The following CREB1 variants were observed in gnomAD, a reference collection of about 807,000 sequenced individuals.
CREB1 encodes cAMP responsive element binding protein 1, also known as cyclic AMP-responsive element-binding protein 1.
A neutral mutation model predicts 42.0 loss-of-function variants in CREB1; 2 were observed. That is an observed-to-expected ratio of 0.05 (90% confidence interval 0.02 to 0.15). The LOEUF (loss-of-function observed/expected upper bound fraction) is 0.15, where lower values mean the gene tolerates loss of function less well. CREB1 is among the 10% of genes least tolerant of loss of function. CREB1 has a pLI of 1.00. For synonymous variants in CREB1, 123 were observed against 139.9 expected (o/e 0.88, Z 0.85); for missense variants, 199 against 388.9 (o/e 0.51, Z 4.11).
At chr2:207,570,350 T>C (rs759695908) in intron 5 of CREB1, 29 bp downstream of exon 5, 38 of 1,552,044 alleles carry the variant, frequency 2.4e-5, no homozygotes, top group Non-Finnish European at 3.2e-5. Context: ...CTGTTTCTAT[T>C]GTGAGGAGAA....
In CREB1 at chr2:207,604,185, C is replaced by T. The variant is rs2087642396; in HGVS notation, c.*7127C>T. Among the ~76,000 whole-genome samples the T allele has an allele frequency of 6.6e-6, 1 of 152,210 alleles. No individual in the cohort carries two copies. Among genetic ancestry groups the T allele is most frequent in the Non-Finnish European group, 1.5e-5 (1 of 68,032 alleles). On this transcript the variant is annotated 3_prime_UTR_variant, in exon 8 of 8. Coordinates refer to ENST00000353267, the MANE Select transcript of CREB1 (RefSeq NM_004379.5). ...TTCAGGAAAAGATTGCCCATCTTGT[C>T]ATTTGACCAGGCACTGAAGTGACAA... is the stretch of plus-strand genomic sequence containing the variant.
chr2:207,539,732 A>C (rs1320984233), intron 1 of CREB1, among the ~76,000 whole-genome samples: 1 of 152,192 alleles, frequency 6.6e-6, no homozygotes, highest in African/African-American at 2.4e-5. Context: ...TCAGAAGAGA[A>C]GGGGCTTAGT....
chr2:207,534,796 T>C (rs915738353), intron 1 of CREB1: 1 of 152,252 alleles, frequency 6.6e-6, no homozygotes, highest in African/African-American at 2.4e-5. Flanking sequence ...TCTCTTGCCC[T>C]ATTACCTAAG....
At chr2:207,545,107 A>G (rs2081246773) in intron 1 of CREB1, among the ~76,000 whole-genome samples, 1 of 152,130 alleles carries the variant, frequency 6.6e-6, no homozygotes, top group Admixed American at 6.5e-5. Context: ...GTCAAATGGT[A>G]TTTCTGCCTC....
chr2:207,535,359 G>T (rs1248744801), intron 1 of CREB1, among the ~76,000 whole-genome samples: 1 of 151,908 alleles, frequency 6.6e-6, no homozygotes, highest in Non-Finnish European at 1.5e-5. Context: ...TATTATTTTG[G>T]CCCAAAAGGT....
intron 1 of CREB1, among the ~76,000 whole-genome samples, chr2:207,535,506 A>G (rs1400421864): frequency 1.3e-5 from 2 of 151,878 alleles, no homozygotes; most frequent in African/African-American, 4.8e-5. Context: ...CCCTGCATTC[A>G]TTTATTTTTT....
intron 6 of CREB1, chr2:207,576,517 T>A (rs186336521): frequency 5.1e-4 from 151 of 293,332 alleles, no homozygotes; most frequent in African/African-American, 3.3e-3. Context: ...GAGTCATAAC[T>A]TATTTAAAGA....
intron 1 of CREB1, among the ~76,000 whole-genome samples, chr2:207,539,859 G>A (rs1367983801): frequency 1.3e-5 from 2 of 152,146 alleles, no homozygotes; most frequent in Non-Finnish European, 1.5e-5. Flanking sequence ...TGAAAACATG[G>A]ACATATAATG....
chr2:207,577,385 CA>C, intron 6 of CREB1, 119 bp from the exon 7 acceptor site: 1 of 1,316,680 alleles, frequency 7.6e-7, no homozygotes, highest in South Asian at 1.5e-5. Context: ...TAGCCAGAAT[CA>C]TCTTTTCTTT....
intron 1 of CREB1, among the ~76,000 whole-genome samples, chr2:207,530,543 C>G (rs1018604612): frequency 6.9e-6 from 1 of 145,776 alleles, no homozygotes; most frequent in Admixed American, 6.8e-5. Context: ...GGAGGCCGCC[C>G]GCTCGGCCCG....
Position 207,577,389 on chromosome 2 carries a change from T to A in CREB1, c.689-116T>A, listed in dbSNP as rs994625167. The A allele has an allele frequency of 3.7e-6, 5 of 1,351,876 alleles. No homozygotes were observed. In the African/African-American group the frequency reaches 7.3e-5, roughly 20 times the overall value. The allele number at this position is 1,351,876 out of a possible 1,614,324, so 83.7% of individuals were successfully genotyped here. A position where few individuals can be genotyped will look rare whatever the true frequency, so the allele number is the denominator to read the frequency against. On this transcript the variant is annotated intron_variant, in intron 6 of 7. Transcript: ENST00000353267. The stretch of plus-strand genomic sequence containing the variant: ...TTTCAACGCTTTAGCCAGAATCATC[T>A]TTTCTTTTTTGTTTCCCTTTTAGTC...
At chr2:207,567,411 T>G in intron 3 of CREB1, 52 bp from the exon 4 acceptor site, 1 of 1,331,932 alleles carries the variant, frequency 7.5e-7, no homozygotes, top group Non-Finnish European at 1.1e-6. Flanking sequence ...TTAATAAAAA[T>G]TTTACAGGAA....
intron 2 of CREB1, chr2:207,559,381 C>A: frequency 1.6e-6 from 1 of 634,642 alleles, no homozygotes; most frequent in Non-Finnish European, 2.0e-6. Context: ...TTTAGCAAAC[C>A]TCATTACTAA....
At chr2:207,566,265 G>A (rs970900651) in intron 3 of CREB1, among the ~76,000 whole-genome samples, 3 of 152,154 alleles carry the variant, frequency 2.0e-5, no homozygotes, top group Admixed American at 6.5e-5. Flanking sequence ...CATAGAGTAC[G>A]CTTGGAATTT....
rs1448487843 is a variant in CREB1 at position 207,602,390 on chromosome 2, A to C, written c.*5332A>C. ...GCTGGGTATGACATGATACATTTTTAATTATTCTCACCAGCAAGTAAAAGG... is the reference window on the plus strand; with the variant it reads ...GCTGGGTATGACATGATACATTTTTCATTATTCTCACCAGCAAGTAAAAGG... On this transcript the variant is annotated 3_prime_UTR_variant, in exon 8 of 8. Transcript: ENST00000353267. 9.9e-6 allele frequency: 2 copies of C among 202,384 alleles called. No homozygotes were observed. The highest frequency in any genetic ancestry group is 2.0e-5 in the Non-Finnish European group (2 of 98,546). The allele number at this position is 202,384 out of a possible 1,614,324, so 12.5% of individuals were successfully genotyped here.
intron 1 of CREB1, chr2:207,550,184 T>G (rs2081450070): frequency 6.6e-6 from 1 of 152,094 alleles, no homozygotes. Flanking sequence ...CAAATATGTG[T>G]TTTGCTGTGG....
rs547160772 is a variant in CREB1, at chr2:207,604,533, C to T, written c.*7475C>T. ...ACCAAACCGGATGAGAATTCTAACA[C>T]GGGCCTGACATCAAATGGAAAGGAA... On this transcript the variant is annotated 3_prime_UTR_variant, in exon 8 of 8. Coordinates refer to ENST00000353267, the MANE Select transcript of CREB1 (RefSeq NM_004379.5). 7.9e-5 allele frequency among the ~76,000 whole-genome samples: 12 copies of T among 152,300 alleles called. No homozygotes were observed. Among genetic ancestry groups the T allele is most frequent in the Middle Eastern group, 3.4e-3 (1 of 294 alleles).
chr2:207,565,749 G>T (rs2082118642), intron 3 of CREB1, among the ~76,000 whole-genome samples: 1 of 152,184 alleles, frequency 6.6e-6, no homozygotes, highest in African/African-American at 2.4e-5. Flanking sequence ...GAGGAGCTAA[G>T]TGAATTCTGA....
chr2:207,589,958 T>G (rs947011475), intron 7 of CREB1, among the ~76,000 whole-genome samples: 1 of 152,144 alleles, frequency 6.6e-6, no homozygotes, highest in Non-Finnish European at 1.5e-5. Context: ...ATAAATGAGG[T>G]GGAAGTCTTC....
Sources: gnomAD v4.1 joint callset for allele counts (sites outside exome capture counted in the v4.1 genomes callset) on GRCh38, gnomAD v4.1.1 for gene constraint, MANE v1.5 for transcripts, NCBI Gene and HGNC (gene_info 2026-07-23, HGNC 2026-07-21) for gene names.